RAB27B: variants seen among roughly 807,000 people sequenced by gnomAD.
RAB27B encodes the protein RAB27B, member RAS oncogene family.
RAB27B carries 15 observed loss-of-function variants against 24.6 expected under a neutral mutation model. The observed-to-expected ratio is 0.61, with a 90% CI of 0.41 to 0.94. The LOEUF (loss-of-function observed/expected upper bound fraction) is 0.94, where lower values mean the gene tolerates loss of function less well. Ranked by LOEUF, RAB27B falls within the 40% of genes least tolerant of loss-of-function variation. The pLI is 0.00. For missense variants in RAB27B, 261 were observed against 266.8 expected (o/e 0.98, Z 0.15); for synonymous variants, 105 against 92.5 (o/e 1.14, Z -0.78).
At chr18:54,878,005 C>A (rs1260906454) in intron 2 of RAB27B, among the ~76,000 whole-genome samples, 4 of 152,108 alleles carry the variant, frequency 2.6e-5, no homozygotes, top group Non-Finnish European at 4.4e-5. Flanking sequence ...AGTGTGTTTT[C>A]TACAAATTCT....
At chr18:54,751,852 C>T (rs1413981230) in intron 2 of RAB27B, among the ~76,000 whole-genome samples, 2 of 152,158 alleles carry the variant, frequency 1.3e-5, no homozygotes, top group Non-Finnish European at 2.9e-5. Flanking sequence ...CATTACAGAA[C>T]ATACTGAGCC....
intron 2 of RAB27B, among the ~76,000 whole-genome samples, chr18:54,747,755 G>A (rs1046586910): frequency 1.3e-5 from 2 of 152,114 alleles, no homozygotes; most frequent in Non-Finnish European, 2.9e-5. Context: ...TGTGTAATTA[G>A]AACTTTGCAG....
intron 2 of RAB27B, among the ~76,000 whole-genome samples, chr18:54,773,035 A>G (rs549715777): frequency 6.7e-6 from 1 of 149,972 alleles, no homozygotes; most frequent in South Asian, 2.1e-4. Context: ...CCATAGATCA[A>G]TTGCCATGCC....
At chr18:54,775,314 C>T (rs1432336356) in intron 2 of RAB27B, among the ~76,000 whole-genome samples, 12 of 152,208 alleles carry the variant, frequency 7.9e-5, no homozygotes, top group Non-Finnish European at 1.5e-4. Flanking sequence ...ATTCTTAAAT[C>T]TGGAATTGAT....
chr18:54,848,315 C>A (rs553844313), intron 1 of RAB27B, among the ~76,000 whole-genome samples: 1 of 152,314 alleles, frequency 6.6e-6, no homozygotes, highest in Admixed American at 6.5e-5. Flanking sequence ...TGTCTCATAA[C>A]TGCATTATCA....
chr18:54,724,675 G>A (rs1909473942), intron 2 of RAB27B, among the ~76,000 whole-genome samples: 2 of 151,414 alleles, frequency 1.3e-5, no homozygotes, highest in Non-Finnish European at 3.0e-5. Context: ...ATTCTAGCCT[G>A]GGTAAGAGAG....
intron 2 of RAB27B, among the ~76,000 whole-genome samples, chr18:54,741,808 C>T (rs1057508421): frequency 8.5e-5 from 13 of 152,144 alleles, no homozygotes; most frequent in Non-Finnish European, 1.5e-4. Flanking sequence ...GGCCTCTAAG[C>T]TTTCTTTAAG....
intron 2 of RAB27B, among the ~76,000 whole-genome samples, chr18:54,791,281 G>A (rs1463929858): frequency 6.6e-6 from 1 of 152,186 alleles, no homozygotes; most frequent in African/African-American, 2.4e-5. Flanking sequence ...TGGATCAAGT[G>A]TATCAGACTT....
At chr18:54,888,764 G>T (rs922882638) in intron 5 of RAB27B, among the ~76,000 whole-genome samples, 5 of 152,082 alleles carry the variant, frequency 3.3e-5, no homozygotes, top group African/African-American at 1.2e-4. Context: ...CAATTTACAC[G>T]TCTTTCTTGA....
chr18:54,776,268 T>C (rs766904946), intron 2 of RAB27B, among the ~76,000 whole-genome samples: 2 of 152,262 alleles, frequency 1.3e-5, no homozygotes, highest in Non-Finnish European at 2.9e-5. Context: ...CACACTTTTC[T>C]ATTCCACCCC....
Position 54,892,236 on chromosome 18 carries a change from G to A in RAB27B, c.*2823G>A, listed in dbSNP as rs1294547381. ...CCTTTCTGATATAGAAACCATTTCTGGAGTATTTACACTGGTTTGATGTTT... is the reference window on the plus strand; with the variant it reads ...CCTTTCTGATATAGAAACCATTTCTAGAGTATTTACACTGGTTTGATGTTT... On this transcript the variant is annotated 3_prime_UTR_variant, in exon 6 of 6. Coordinates refer to ENST00000262094, the MANE Select transcript of RAB27B (RefSeq NM_004163.4). 6.6e-6 allele frequency: 1 copy of A among 151,994 alleles called. No homozygotes were observed. The highest frequency in any genetic ancestry group is 2.4e-5 in the African/African-American group (1 of 41,408). 9.4% of individuals were successfully genotyped at this position (151,994 alleles called of 1,614,324 possible). A position where few individuals can be genotyped will look rare whatever the true frequency, so the allele number is the denominator to read the frequency against.
chr18:54,719,510 G>A (rs779540142), intron 2 of RAB27B, among the ~76,000 whole-genome samples: 21 of 152,042 alleles, frequency 1.4e-4, no homozygotes, highest in Non-Finnish European at 2.7e-4. Context: ...TGTAGCAAAT[G>A]AAAATAAATA....
At chr18:54,860,947 A>G (rs2145236803) in intron 1 of RAB27B, among the ~76,000 whole-genome samples, 1 of 152,332 alleles carries the variant, frequency 6.6e-6, no homozygotes, top group East Asian at 1.9e-4. Context: ...TTCTAAAGAG[A>G]TCTTGGCTTT....
chr18:54,804,353 A>G (rs894629650), intron 2 of RAB27B, among the ~76,000 whole-genome samples: 1 of 152,106 alleles, frequency 6.6e-6, no homozygotes, highest in Admixed American at 6.6e-5. Context: ...AATCTTTCCC[A>G]TGCTATTCTT....
chr18:54,820,621 T>G (rs1910277085), intron 2 of RAB27B, among the ~76,000 whole-genome samples: 1 of 152,108 alleles, frequency 6.6e-6, no homozygotes, highest in African/African-American at 2.4e-5. Flanking sequence ...TTTAGTTTAA[T>G]TAGATCCCAT....
chr18:54,845,047 C>G (rs946741248), intron 1 of RAB27B, among the ~76,000 whole-genome samples: 1 of 152,176 alleles, frequency 6.6e-6, no homozygotes, highest in South Asian at 2.1e-4. Flanking sequence ...CTACTTTTCT[C>G]TAAGACGTAT....
Position 54,729,344 on chromosome 18 carries a change from A to G in RAB27B, c.-20+11203A>G, listed in dbSNP as rs149112140. Among the ~76,000 whole-genome samples the G allele has an allele frequency of 9.0e-3, 1,373 of 152,294 alleles. 17 individuals are homozygous for G. Among genetic ancestry groups the G allele is most frequent in the Admixed American group, 0.014 (215 of 15,282 alleles). On this transcript the variant is annotated intron_variant, in intron 2 of 4. Transcript: ENST00000586570. ...GAGAGGAGTGATATTCTAAGGGTTA[A>G]TGACCAAGAGCTTTCCTGAAAAAGG...
intron 2 of RAB27B, among the ~76,000 whole-genome samples, chr18:54,822,769 T>C (rs1359963303): frequency 2.0e-5 from 3 of 152,224 alleles, no homozygotes; most frequent in African/African-American, 7.2e-5. Context: ...TATAGGTTTT[T>C]TTAATAAAGA....
chr18:54,809,909 GA>G (rs1389537417), intron 2 of RAB27B, among the ~76,000 whole-genome samples: 4 of 152,128 alleles, frequency 2.6e-5, no homozygotes, highest in African/African-American at 7.2e-5. Flanking sequence ...GAATTGTGCT[GA>G]CTTTTTAAAA....
Sources: gnomAD v4.1 joint callset for allele counts (sites outside exome capture counted in the v4.1 genomes callset) on GRCh38, gnomAD v4.1.1 for gene constraint, MANE v1.5 for transcripts, NCBI Gene and HGNC (gene_info 2026-07-23, HGNC 2026-07-21) for gene names.